The following VPS50 variants were observed in gnomAD, a reference collection of about 807,000 sequenced individuals.
VPS50 encodes syndetin.
Under a neutral mutation model 139.7 loss-of-function variants are expected in VPS50, and 70 were observed. That is an observed-to-expected ratio of 0.50 (90% CI 0.41 to 0.61). The LOEUF (loss-of-function observed/expected upper bound fraction) is 0.61. Ranked by LOEUF, VPS50 falls within the 20% of genes least tolerant of loss-of-function variation. The pLI is 0.00. For synonymous variants in VPS50, 365 were observed against 376.7 expected, an observed-to-expected ratio of 0.97 and a Z score of 0.36; for missense variants, 921 against 1,133.7, an observed-to-expected ratio of 0.81 and a Z score of 2.69.
At chr7:93,265,562 ATTTC>A (rs1050614868) in intron 9 of VPS50, among the ~76,000 whole-genome samples, 1 of 151,800 alleles carries the variant, frequency 6.6e-6, no homozygotes, top group Non-Finnish European at 1.5e-5. Context: ...TAGGTCAGGG[ATTTC>A]TTTCTTTCTT....
chr7:93,302,962 T>C (rs1475074110), intron 16 of VPS50, among the ~76,000 whole-genome samples: 2 of 152,050 alleles, frequency 1.3e-5, no homozygotes, highest in African/African-American at 4.8e-5. Context: ...AAATGCTATA[T>C]AGAGACAGGC....
chr7:93,321,101 C>A (rs1207136824), intron 20 of VPS50: 1 of 152,202 alleles, frequency 6.6e-6, no homozygotes, highest in Non-Finnish European at 1.5e-5. Flanking sequence ...TGCTTTTGTG[C>A]TACAGTGGCA....
At chr7:93,254,629 T>C (rs1365343812) in intron 4 of VPS50, among the ~76,000 whole-genome samples, 1 of 152,150 alleles carries the variant, frequency 6.6e-6, no homozygotes, top group Non-Finnish European at 1.5e-5. Context: ...TGAATTGTAG[T>C]CACTAATTAT....
chr7:93,233,453 A>G (rs527710121), intron 1 of VPS50, among the ~76,000 whole-genome samples: 1 of 152,356 alleles, frequency 6.6e-6, no homozygotes, highest in South Asian at 2.1e-4. Flanking sequence ...TTGATTACAA[A>G]AATAACTCAA....
rs563519602 is a variant in VPS50, at chr7:93,240,966, A to G, written c.102+1032A>G. On this transcript the variant is annotated intron_variant, in intron 2 of 27. Coordinates refer to ENST00000305866, the MANE Select transcript of VPS50 (RefSeq NM_017667.4). ...CAAAAACTTAAGAAAAGCATTCCGT[A>G]TAGTTTTATGTAATGTTATTAAAAA... is the stretch of plus-strand genomic sequence containing the variant. Among the ~76,000 whole-genome samples the G allele has an allele frequency of 1.3e-5, 2 of 152,286 alleles. 1 individual carries two copies. The highest frequency in any genetic ancestry group is 4.1e-4 in the South Asian group (2 of 4,832).
chr7:93,243,334 C>T (rs1795051297), intron 2 of VPS50, among the ~76,000 whole-genome samples: 1 of 151,878 alleles, frequency 6.6e-6, no homozygotes, highest in South Asian at 2.1e-4. Context: ...AGGCCATGGC[C>T]AATTCCAATT....
intron 16 of VPS50, among the ~76,000 whole-genome samples, chr7:93,297,617 T>C (rs1796849045): frequency 2.6e-5 from 4 of 152,120 alleles, no homozygotes; most frequent in Admixed American, 2.6e-4. Context: ...GAGGGGGTGC[T>C]TGAGAGTATC....
chr7:93,261,867 A>G (rs1241700506), intron 9 of VPS50, among the ~76,000 whole-genome samples: 1 of 152,064 alleles, frequency 6.6e-6, no homozygotes, highest in Admixed American at 6.6e-5. Context: ...CAGAAATGAA[A>G]TCTTTGTTGC....
intron 2 of VPS50, among the ~76,000 whole-genome samples, chr7:93,251,690 A>G (rs1176026340): frequency 6.6e-6 from 1 of 152,038 alleles, no homozygotes; most frequent in East Asian, 1.9e-4. Flanking sequence ...AGAAAAATAT[A>G]CTGTTCTTTA....
chr7:93,332,773 T>G (rs1797973450), intron 21 of VPS50, among the ~76,000 whole-genome samples: 1 of 149,118 alleles, frequency 6.7e-6, no homozygotes, highest in South Asian at 2.1e-4. Flanking sequence ...GTATCCATAC[T>G]ACTAAATACA....
At chr7:93,271,150 TAGTA>T in intron 9 of VPS50, 66 bp from the exon 10 acceptor site, 3 of 1,534,646 alleles carry the variant, frequency 2.0e-6, no homozygotes, top group Non-Finnish European at 2.6e-6. Context: ...ATTATTCAGT[TAGTA>T]TGTATTTATT....
chr7:93,343,693 G>C (rs969928163), intron 23 of VPS50, among the ~76,000 whole-genome samples: 1 of 151,960 alleles, frequency 6.6e-6, no homozygotes, highest in Middle Eastern at 3.2e-3. Flanking sequence ...ATTCTTAAAA[G>C]AATTTCCAAC....
chr7:93,245,549 C>A (rs1795124887), intron 2 of VPS50, among the ~76,000 whole-genome samples: 1 of 151,634 alleles, frequency 6.6e-6, no homozygotes, highest in African/African-American at 2.4e-5. Flanking sequence ...AGTGTTAGCC[C>A]CAGAAAGGAC....
chr7:93,262,352 TC>T (rs1795712000), intron 9 of VPS50, among the ~76,000 whole-genome samples: 1 of 152,236 alleles, frequency 6.6e-6, no homozygotes, highest in African/African-American at 2.4e-5. Flanking sequence ...AAAATTGATA[TC>T]AAGTGGCTTC....
rs369737684 is a variant in VPS50 at position 93,291,814 on chromosome 7, G to A, written c.1054G>A (p.Glu352Lys). ...TMEWHEKHDN[E>K]DTASASEGSN... is the part of the protein sequence containing the mutation. ...GGAATGGCATGAAAAGCATGACAATGAGGATACTGCTTCAGCTTCTGGTAG... is the reference window on the plus strand; with the variant it reads ...GGAATGGCATGAAAAGCATGACAATAAGGATACTGCTTCAGCTTCTGGTAG... The change falls in exon 13 of 28, where the codon GAG (glutamate) becomes AAG (lysine). Residue 352 changes from glutamate to lysine, a missense_variant. Glu to Lys is a moderately conservative substitution (Grantham distance 56, BLOSUM62 1). Transcript: ENST00000305866. 6.3e-6 allele frequency: 10 copies of A among 1,593,072 alleles called. No individual in the cohort carries two copies. The East Asian group carries it at 1.1e-4, about 18-fold the overall frequency.
At chr7:93,256,988 A>G (rs1313785268) in intron 5 of VPS50, among the ~76,000 whole-genome samples, 2 of 152,130 alleles carry the variant, frequency 1.3e-5, no homozygotes, top group Non-Finnish European at 2.9e-5. Flanking sequence ...ATGTCTACCA[A>G]TGTTCAGATG....
chr7:93,283,919 A>G (rs1796405290), intron 12 of VPS50, among the ~76,000 whole-genome samples: 1 of 152,190 alleles, frequency 6.6e-6, no homozygotes. Flanking sequence ...GCACCCAGGG[A>G]ATAATGAGTG....
chr7:93,264,905 G>A (rs1328807302), intron 9 of VPS50, among the ~76,000 whole-genome samples: 1 of 152,112 alleles, frequency 6.6e-6, no homozygotes, highest in African/African-American at 2.4e-5. Context: ...TGGTTGGTCA[G>A]CTTGGACCAA....
chr7:93,274,280 AG>A (rs1263760604), intron 11 of VPS50, among the ~76,000 whole-genome samples: 1 of 152,156 alleles, frequency 6.6e-6, no homozygotes, highest in Non-Finnish European at 1.5e-5. Context: ...GGATTTTCAG[AG>A]GTACAGAGAA....
Sources: gnomAD v4.1 joint callset for allele counts (sites outside exome capture counted in the v4.1 genomes callset) on GRCh38, gnomAD v4.1.1 for gene constraint, MANE v1.5 for transcripts, NCBI Gene and HGNC (gene_info 2026-07-23, HGNC 2026-07-21) for gene names.